ATF6: variants seen among roughly 807,000 people sequenced by gnomAD.
The protein encoded by ATF6 is activating transcription factor 6, also known as cyclic AMP-dependent transcription factor ATF-6 alpha.
Under a neutral mutation model 83.6 loss-of-function variants are expected in ATF6, and 53 were observed. That is an observed-to-expected ratio of 0.63 (90% CI 0.51 to 0.80). The LOEUF is 0.80. ATF6 is among the 30% of genes least tolerant of loss of function. The probability of loss-of-function intolerance (pLI) is 0.00; values close to 1 mark genes in which losing one functional copy is unlikely to be tolerated. For missense variants in ATF6, 744 were observed against 797.9 expected (o/e 0.93, Z 0.81); for synonymous variants, 288 against 285.8 (o/e 1.01, Z -0.08).
chr1:161,939,901 GA>G (rs1368113022), intron 15 of ATF6, among the ~76,000 whole-genome samples: 1 of 152,198 alleles, frequency 6.6e-6, no homozygotes, highest in Admixed American at 6.5e-5. Context: ...TTTACTAGAG[GA>G]AAAAGAGCGT....
In ATF6 at chr1:161,960,050, A is replaced by G. The variant is rs1334490615; in HGVS notation, c.*1396A>G. ...ATAATTTTCAGTTTCTCCAACGAAA[A>G]GATAGTGAAGGAATTAAATCTTTTG... On this transcript the variant is annotated 3_prime_UTR_variant, in exon 16 of 16. Transcript: ENST00000367942. The G allele has an allele frequency of 6.6e-6, 1 of 151,668 alleles. No homozygotes were observed. Among genetic ancestry groups the G allele is most frequent in the Non-Finnish European group, 1.5e-5 (1 of 67,974 alleles). The allele number at this position is 151,668 out of a possible 1,614,324, so 9.4% of individuals were successfully genotyped here. A position where few individuals can be genotyped will look rare whatever the true frequency, so the allele number is the denominator to read the frequency against.
At chr1:161,837,598 T>A (rs540121441) in intron 9 of ATF6, among the ~76,000 whole-genome samples, 1 of 150,670 alleles carries the variant, frequency 6.6e-6, no homozygotes, top group Admixed American at 6.8e-5. Flanking sequence ...TCTCAATTAC[T>A]TGCTTTTATT....
At chr1:161,920,294 C>CTCTTTTTTTTTTTTTTTTTTTTTTT (rs1157916734) in intron 15 of ATF6, among the ~76,000 whole-genome samples, 7 of 54,840 alleles carry the variant, frequency 1.3e-4, no homozygotes, top group South Asian at 1.8e-3. Flanking sequence ...CTCTCTCTCT[C>CTCTTTTTTTTTTTTTTTTTTTTTTT]TTTTTTTTTT....
intron 2 of ATF6, among the ~76,000 whole-genome samples, chr1:161,780,452 T>G (rs1170963088): frequency 6.6e-6 from 1 of 151,184 alleles, no homozygotes; most frequent in Non-Finnish European, 1.5e-5. Context: ...CGGCTCACTG[T>G]AAGCTCCACC....
intron 7 of ATF6, among the ~76,000 whole-genome samples, chr1:161,816,163 G>A (rs1477837364): frequency 6.6e-6 from 1 of 152,088 alleles, no homozygotes; most frequent in African/African-American, 2.4e-5. Context: ...TTTTTCTTTT[G>A]TCCTTTTTAC....
rs1180345143 is a variant in ATF6, at chr1:161,962,392, T to G, written c.*3738T>G. ...CCCGGTAGTCACCGCAGCGAGATGC[T>G]GGTGAGACTGCCGTGGTGGCATTTA... is the stretch of plus-strand genomic sequence containing the variant. On this transcript the variant is annotated 3_prime_UTR_variant, in exon 16 of 16. Transcript: ENST00000367942. 2 of 152,214 alleles carry G rather than the reference T, an allele frequency of 1.3e-5. No homozygotes were observed. The highest frequency in any genetic ancestry group is 4.8e-5 in the African/African-American group (2 of 41,452). The allele number at this position is 152,214 out of a possible 1,614,324, so 9.4% of individuals were successfully genotyped here. A position where few individuals can be genotyped will look rare whatever the true frequency, so the allele number is the denominator to read the frequency against.
intron 9 of ATF6, among the ~76,000 whole-genome samples, chr1:161,822,202 A>G (rs997871648): frequency 1.3e-5 from 2 of 152,194 alleles, no homozygotes; most frequent in African/African-American, 4.8e-5. Context: ...AGTGGTGTAG[A>G]TGAGATTATC....
chr1:161,903,388 A>G (rs577189454), intron 14 of ATF6, among the ~76,000 whole-genome samples: 1 of 152,276 alleles, frequency 6.6e-6, no homozygotes, highest in South Asian at 2.1e-4. Flanking sequence ...ATCAGTAGGG[A>G]CCAAATTATA....
intron 15 of ATF6, among the ~76,000 whole-genome samples, chr1:161,919,488 A>C (rs1688161040): frequency 6.6e-6 from 1 of 152,220 alleles, no homozygotes; most frequent in South Asian, 2.1e-4. Context: ...AGAGCATAGA[A>C]AAGGGGGTTT....
intron 9 of ATF6, among the ~76,000 whole-genome samples, chr1:161,822,011 A>G (rs1016072171): frequency 2.0e-5 from 3 of 152,210 alleles, no homozygotes; most frequent in Admixed American, 2.0e-4. Flanking sequence ...TAATTCAAAA[A>G]TTTCTACCTT....
chr1:161,820,924 A>C (rs1454468367), intron 8 of ATF6, 146 bp from the exon 9 acceptor site: 9 of 357,346 alleles, frequency 2.5e-5, no homozygotes, highest in Admixed American at 5.0e-5. Flanking sequence ...CTCACCTTTG[A>C]TTTTTTTTTT....
intron 15 of ATF6, among the ~76,000 whole-genome samples, chr1:161,937,338 C>T (rs1688554777): frequency 7.7e-6 from 1 of 130,326 alleles, no homozygotes; most frequent in Non-Finnish European, 1.7e-5. Flanking sequence ...AGTGAGACTC[C>T]CTCTCAGTTA....
At chr1:161,903,043 C>T (rs1454311311) in intron 14 of ATF6, among the ~76,000 whole-genome samples, 2 of 152,016 alleles carry the variant, frequency 1.3e-5, no homozygotes, top group East Asian at 1.9e-4. Context: ...CTGCTGATAA[C>T]TCATACCTTT....
At chr1:161,861,318 TA>T (rs1686882065) in intron 13 of ATF6, among the ~76,000 whole-genome samples, 1 of 152,114 alleles carries the variant, frequency 6.6e-6, no homozygotes, top group African/African-American at 2.4e-5. Flanking sequence ...AGATAGATAG[TA>T]AAAATGAAGT....
chr1:161,937,190 A>T (rs972346522), intron 15 of ATF6, among the ~76,000 whole-genome samples: 1 of 151,944 alleles, frequency 6.6e-6, no homozygotes, highest in African/African-American at 2.4e-5. Context: ...AAATACAAAA[A>T]TTGGCCAGGT....
At chr1:161,818,083 A>G (rs573577809) in intron 7 of ATF6, among the ~76,000 whole-genome samples, 1 of 149,384 alleles carries the variant, frequency 6.7e-6, no homozygotes, top group Non-Finnish European at 1.5e-5. Flanking sequence ...CCTGGGCAAC[A>G]GAGCAAGACT....
At chr1:161,850,241 T>C (rs1393407962) in intron 10 of ATF6, among the ~76,000 whole-genome samples, 2 of 152,196 alleles carry the variant, frequency 1.3e-5, no homozygotes, top group Non-Finnish European at 2.9e-5. Flanking sequence ...GGTCTTTTAT[T>C]ATGACCTTAT....
rs1238830554 is a variant in ATF6 at position 161,846,486 on chromosome 1, G to A, written c.1225G>A (p.Val409Met). ...GGATTCCAGGAGAATGAACCCTAGT[G>A]TGAGCCCTGCAAATCAAAGGAGGCA... The part of the protein sequence containing the change: ...EQDSRRMNPS[V>M]SPANQRRHLL... The change falls in exon 10 of 16, where the codon GTG becomes ATG. Residue 409 changes from valine to methionine, a missense_variant. Coordinates refer to ENST00000367942, the MANE Select transcript of ATF6 (RefSeq NM_007348.4). 1 of 1,611,008 alleles carries A rather than the reference G, an allele frequency of 6.2e-7. No homozygotes were observed. Among genetic ancestry groups the A allele is most frequent in the South Asian group, 1.1e-5 (1 of 90,882 alleles).
At position 161,791,289 on chromosome 1, in the gene ATF6, ACCTTT is replaced by A. The variant is rs973390061; in HGVS notation, c.355-113_355-109del. On this transcript the variant is annotated intron_variant, in intron 4 of 15. Coordinates refer to ENST00000367942, the MANE Select transcript of ATF6 (RefSeq NM_007348.4). ...AATATATATATACAGTTTCTAATAT[ACCTTT>A]CCTTTGAAGTTACCCTGAAGTGTTT... The A allele has an allele frequency of 5.6e-6, 4 of 719,170 alleles. No individual in the cohort carries two copies. The African/African-American group carries it at 7.3e-5, about 13-fold the overall frequency. 44.5% of individuals were successfully genotyped at this position (719,170 alleles called of 1,614,324 possible). A position where few individuals can be genotyped will look rare whatever the true frequency, so the allele number is the denominator to read the frequency against.
Sources: allele counts gnomAD v4.1 joint callset (sites outside exome capture counted in the v4.1 genomes callset), GRCh38; gene constraint gnomAD v4.1.1; transcripts MANE v1.5; gene names NCBI Gene and HGNC (gene_info 2026-07-23, HGNC 2026-07-21).